Variants in ELAVL2 observed in about 807,000 individuals in gnomAD.
ELAVL2 encodes ELAV like RNA binding protein 2, also known as ELAV-like protein 2.
Under a neutral mutation model 34.6 loss-of-function variants are expected in ELAVL2, and 4 were observed. The ratio of observed to expected loss-of-function variants is 0.12; its 90% CI spans 0.06 to 0.26. The LOEUF (loss-of-function observed/expected upper bound fraction) is 0.26, where lower values mean the gene tolerates loss of function less well. Among genes scored for constraint, ELAVL2 ranks in the 10% least tolerant of loss-of-function variants. ELAVL2 has a pLI of 1.00. For synonymous variants in ELAVL2, 193 were observed against 154.8 expected (o/e 1.25, Z -1.83); for missense variants, 432 against 442.8 (o/e 0.98, Z 0.22).
chr9:23,748,866 T>C (rs764905027), intron 2 of ELAVL2, among the ~76,000 whole-genome samples: 4 of 152,124 alleles, frequency 2.6e-5, no homozygotes, highest in Non-Finnish European at 5.9e-5. Context: ...TAATTTACTT[T>C]CAAAATACTT....
chr9:23,795,269 C>T (rs796323729), intron 1 of ELAVL2, among the ~76,000 whole-genome samples: 3 of 152,084 alleles, frequency 2.0e-5, no homozygotes, highest in Admixed American at 6.5e-5. Flanking sequence ...AAATGTTGGG[C>T]GTGGTGGCTC....
chr9:23,753,628 GTTT>G (rs1421974636), intron 2 of ELAVL2, among the ~76,000 whole-genome samples: 1 of 152,088 alleles, frequency 6.6e-6, no homozygotes, highest in Non-Finnish European at 1.5e-5. Context: ...CAATTTAACT[GTTT>G]TTTATCTTCT....
intron 3 of ELAVL2, among the ~76,000 whole-genome samples, chr9:23,708,518 G>A (rs1349651257): frequency 6.6e-6 from 1 of 152,192 alleles, no homozygotes; most frequent in Non-Finnish European, 1.5e-5. Flanking sequence ...GTAAGTGAGT[G>A]TTTCAGTTCA....
At position 23,691,661 on chromosome 9, in the gene ELAVL2, A is replaced by T. The variant is rs1470999838; in HGVS notation, c.*896T>A. On this transcript the variant is annotated 3_prime_UTR_variant, in exon 7 of 7. Transcript: ENST00000397312. The stretch of plus-strand genomic sequence containing the variant: ...AGGATGATCAGACGCTCCACTGGTG[A>T]TTACAAAAATGAAACCAGCAGTGTT... 6.6e-6 allele frequency: 1 copy of T among 152,546 alleles called. No homozygotes were observed. The highest frequency in any genetic ancestry group is 2.4e-5 in the African/African-American group (1 of 41,426). The allele number at this position is 152,546 out of a possible 1,614,324, so 9.4% of individuals were successfully genotyped here. A position where few individuals can be genotyped will look rare whatever the true frequency, so the allele number is the denominator to read the frequency against.
At chr9:23,702,174 T>A (rs2133187914) in intron 4 of ELAVL2, among the ~76,000 whole-genome samples, 1 of 152,288 alleles carries the variant, frequency 6.6e-6, no homozygotes, top group Middle Eastern at 3.4e-3. Flanking sequence ...AGGAAAAAAA[T>A]GCCTGAAAAT....
At chr9:23,705,852 G>C (rs1320038691) in intron 3 of ELAVL2, among the ~76,000 whole-genome samples, 1 of 152,110 alleles carries the variant, frequency 6.6e-6, no homozygotes, top group Non-Finnish European at 1.5e-5. Flanking sequence ...CAGGGGTTGG[G>C]AACACCTGCT....
chr9:23,819,790 T>A (rs1400673957), intron 1 of ELAVL2, among the ~76,000 whole-genome samples: 1 of 152,228 alleles, frequency 6.6e-6, no homozygotes, highest in Non-Finnish European at 1.5e-5. Context: ...AAATTTAATG[T>A]AACATGTTTC....
chr9:23,745,741 A>T (rs1434961399), intron 2 of ELAVL2, among the ~76,000 whole-genome samples: 1 of 152,174 alleles, frequency 6.6e-6, no homozygotes, highest in African/African-American at 2.4e-5. Context: ...TAAAGAAATG[A>T]CCACTAAATA....
chr9:23,754,858 A>G (rs925540018), intron 2 of ELAVL2, among the ~76,000 whole-genome samples: 3 of 152,140 alleles, frequency 2.0e-5, no homozygotes, highest in East Asian at 1.9e-4. Context: ...AGCAGAGTAT[A>G]AATTTCCCAT....
In ELAVL2 at chr9:23,755,070, T is replaced by C. The variant is rs887648707; in HGVS notation, c.229+6936A>G. Among the ~76,000 whole-genome samples, 4 of 152,160 alleles carry C rather than the reference T, an allele frequency of 2.6e-5. No homozygotes were observed. In the East Asian group the frequency reaches 7.7e-4, roughly 29 times the overall value. On this transcript the variant is annotated intron_variant, in intron 2 of 6. Transcript: ENST00000397312. The stretch of plus-strand genomic sequence containing the variant: ...TTCCGCAAAGTCCAAACCTTTCCTT[T>C]GTTAAAATGGTATATAAGCCCCCCA...
intron 2 of ELAVL2, among the ~76,000 whole-genome samples, chr9:23,748,148 A>T (rs2050968967): frequency 6.9e-6 from 1 of 145,856 alleles, no homozygotes; most frequent in Non-Finnish European, 1.5e-5. Context: ...GTTGACTGTT[A>T]TATTGATGGG....
chr9:23,728,284 A>G (rs2045736520), intron 3 of ELAVL2, among the ~76,000 whole-genome samples: 1 of 152,150 alleles, frequency 6.6e-6, no homozygotes, highest in African/African-American at 2.4e-5. Context: ...CTGGAAAGAC[A>G]GAAGCTGAAG....
intron 5 of ELAVL2, among the ~76,000 whole-genome samples, chr9:23,697,385 G>A (rs889479128): frequency 6.6e-6 from 1 of 152,094 alleles, no homozygotes; most frequent in Non-Finnish European, 1.5e-5. Context: ...ATTATTTTAT[G>A]GTCTTGCTTT....
intron 3 of ELAVL2, among the ~76,000 whole-genome samples, chr9:23,728,592 GC>G: frequency 6.6e-6 from 1 of 152,154 alleles, no homozygotes; most frequent in Non-Finnish European, 1.5e-5. Context: ...GGTGCTGACA[GC>G]CATCACCAGT....
At position 23,812,528 on chromosome 9, in the gene ELAVL2, G is replaced by C. The variant is rs995933568; in HGVS notation, c.-16+13278C>G. ...CAACCCAGTAACTAAGCCACCCTGAGGTGCCGCAATGAGATGCTGCAGGGA... is the reference window on the plus strand; with the variant it reads ...CAACCCAGTAACTAAGCCACCCTGACGTGCCGCAATGAGATGCTGCAGGGA... On this transcript the variant is annotated intron_variant, in intron 1 of 6. Transcript: ENST00000397312. Among the ~76,000 whole-genome samples, 5 of 152,030 alleles carry C rather than the reference G, an allele frequency of 3.3e-5. No individual in the cohort carries two copies. The East Asian group carries it at 9.7e-4, about 30-fold the overall frequency.
chr9:23,788,546 G>C (rs1290317764), intron 1 of ELAVL2, among the ~76,000 whole-genome samples: 1 of 152,142 alleles, frequency 6.6e-6, no homozygotes, highest in Non-Finnish European at 1.5e-5. Flanking sequence ...AAGAACTGCT[G>C]TAACAGTACA....
chr9:23,738,945 C>G (rs2048511604), intron 2 of ELAVL2, among the ~76,000 whole-genome samples: 1 of 152,154 alleles, frequency 6.6e-6, no homozygotes, highest in Admixed American at 6.5e-5. Context: ...GGCAATGCGG[C>G]ATGACCCTGC....
At chr9:23,826,315 T>A (rs1466659990), upstream of ELAVL2, 1 of 152,378 alleles carries the variant, frequency 6.6e-6, no homozygotes. Context: ...CACTGCCGTG[T>A]GTGCAGCTGC....
At chr9:23,836,660 CAT>C in the ELAVL2 span, among the ~76,000 whole-genome samples, 4 of 151,708 alleles carry the variant, frequency 2.6e-5, no homozygotes, top group African/African-American at 7.2e-5. Context: ...TGTGTGCATG[CAT>C]GTGTGTGTGT....
Sources: allele counts gnomAD v4.1 joint callset (sites outside exome capture counted in the v4.1 genomes callset), GRCh38; gene constraint gnomAD v4.1.1; transcripts MANE v1.5; gene names NCBI Gene and HGNC (gene_info 2026-07-23, HGNC 2026-07-21).